The following DPP6 variants were observed in gnomAD, a reference collection of about 807,000 sequenced individuals.
DPP6 encodes dipeptidyl peptidase like 6, also known as A-type potassium channel modulatory protein DPP6.
A neutral mutation model predicts 122.6 loss-of-function variants in DPP6; 69 were observed. The observed-to-expected ratio is 0.56, with a 90% CI of 0.46 to 0.69. The LOEUF is 0.69. DPP6 is among the 30% of genes least tolerant of loss of function. DPP6 has a pLI of 0.00. For missense variants in DPP6, 928 were observed against 1,116.9 expected, an observed-to-expected ratio of 0.83 and a Z score of 2.41; for synonymous variants, 418 against 433.1, an observed-to-expected ratio of 0.97 and a Z score of 0.43.
chr7:154,633,420 G>A (rs973140578), intron 5 of DPP6, among the ~76,000 whole-genome samples: 1 of 152,020 alleles, frequency 6.6e-6, no homozygotes, highest in Non-Finnish European at 1.5e-5. Context: ...TATTTTTGTA[G>A]AGATGGAGTT....
At chr7:154,383,805 G>A (rs1336334930) in intron 1 of DPP6, among the ~76,000 whole-genome samples, 4 of 146,556 alleles carry the variant, frequency 2.7e-5, no homozygotes, top group Non-Finnish European at 4.5e-5. Context: ...CATGAGAATC[G>A]CTTGAGCCCA....
intron 7 of DPP6, among the ~76,000 whole-genome samples, chr7:154,694,039 G>C (rs186372888): frequency 6.6e-6 from 1 of 152,174 alleles, no homozygotes. Context: ...CGTCCTGGAG[G>C]CTGGAAGTCA....
chr7:154,449,378 C>T (rs1820156514), intron 2 of DPP6, among the ~76,000 whole-genome samples: 1 of 152,064 alleles, frequency 6.6e-6, no homozygotes, highest in South Asian at 2.1e-4. Context: ...AATGAAATAC[C>T]ACTTCACATC....
intron 18 of DPP6, among the ~76,000 whole-genome samples, chr7:154,870,358 A>C (rs1025623063): frequency 2.0e-5 from 3 of 152,104 alleles, no homozygotes; most frequent in African/African-American, 4.8e-5. Context: ...GATTCCCATT[A>C]CTTTGGGAAG....
intron 1 of DPP6, chr7:154,093,650 A>T (rs1163437776): frequency 6.6e-6 from 1 of 151,978 alleles, no homozygotes; most frequent in Non-Finnish European, 1.5e-5. Flanking sequence ...ACACACACAC[A>T]CACACATAAA....
chr7:154,451,948 C>T (rs1332503648), intron 2 of DPP6, among the ~76,000 whole-genome samples: 3 of 152,236 alleles, frequency 2.0e-5, no homozygotes, highest in Non-Finnish European at 4.4e-5. Flanking sequence ...GGCCTGACTG[C>T]ATCCACTCTC....
chr7:154,792,910 T>G (rs886611477), intron 10 of DPP6, among the ~76,000 whole-genome samples: 2 of 152,206 alleles, frequency 1.3e-5, no homozygotes, highest in African/African-American at 4.8e-5. Context: ...GGCCCTCACC[T>G]GCTTGCCGCT....
At chr7:153,909,069 G>A (rs1295215205) in intron 1 of DPP6, among the ~76,000 whole-genome samples, 1 of 152,128 alleles carries the variant, frequency 6.6e-6, no homozygotes, top group Non-Finnish European at 1.5e-5. Context: ...TACTTTAAAA[G>A]GGTTATACAT....
chr7:154,606,811 T>C (rs1181916992), intron 5 of DPP6, among the ~76,000 whole-genome samples: 2 of 121,506 alleles, frequency 1.6e-5, no homozygotes, highest in Admixed American at 1.8e-4. Flanking sequence ...TTTGTTATTT[T>C]CTTCTATAAA....
intron 5 of DPP6, among the ~76,000 whole-genome samples, chr7:154,631,716 GTTTT>G (rs1335444627): frequency 6.6e-6 from 1 of 151,946 alleles, no homozygotes; most frequent in Non-Finnish European, 1.5e-5. Context: ...ATGGCCAGAG[GTTTT>G]TTGTTTGTTT....
chr7:154,802,178 T>G (rs1798410836), intron 13 of DPP6, among the ~76,000 whole-genome samples: 1 of 152,126 alleles, frequency 6.6e-6, no homozygotes, highest in Non-Finnish European at 1.5e-5. Flanking sequence ...CAGTCTAAAG[T>G]TATTTGGGAT....
chr7:154,209,908 A>G (rs1236236430), intron 1 of DPP6, among the ~76,000 whole-genome samples: 1 of 152,200 alleles, frequency 6.6e-6, no homozygotes, highest in Non-Finnish European at 1.5e-5. Context: ...ACACTAACAG[A>G]TATGCATGCA....
chr7:154,215,905 TCAAC>T (rs1270423373), intron 1 of DPP6, among the ~76,000 whole-genome samples: 2 of 152,062 alleles, frequency 1.3e-5, no homozygotes, highest in African/African-American at 4.8e-5. Flanking sequence ...GCTGAATTCT[TCAAC>T]CAGCCAACCA....
intron 1 of DPP6, among the ~76,000 whole-genome samples, chr7:154,308,940 ATG>A (rs1254772967): frequency 6.6e-6 from 1 of 152,196 alleles, no homozygotes; most frequent in Non-Finnish European, 1.5e-5. Context: ...ATGTGTATGT[ATG>A]TGTGTGCATG....
At chr7:154,058,109 A>G (rs1801035413) in intron 1 of DPP6, 1 of 121,760 alleles carries the variant, frequency 8.2e-6, no homozygotes. Context: ...TGAGGCGGGG[A>G]CTCAGAGCCA....
At chr7:154,119,067 A>T (rs1019883218) in intron 1 of DPP6, among the ~76,000 whole-genome samples, 1 of 152,188 alleles carries the variant, frequency 6.6e-6, no homozygotes, top group African/African-American at 2.4e-5. Context: ...ACCAGATGAG[A>T]TGCAAACTCA....
chr7:154,272,296 C>T (rs1803848120), intron 1 of DPP6, among the ~76,000 whole-genome samples: 1 of 152,228 alleles, frequency 6.6e-6, no homozygotes, highest in Non-Finnish European at 1.5e-5. Context: ...ACATGCTTCA[C>T]TTAGTACATT....
the DPP6 span, among the ~76,000 whole-genome samples, chr7:153,789,550 C>T: frequency 1.3e-5 from 2 of 152,082 alleles, no homozygotes; most frequent in African/African-American, 4.8e-5. Flanking sequence ...AAGCAAGAAG[C>T]ACTTGCATAT....
At chr7:154,157,767 C>G (rs188231079) in intron 1 of DPP6, among the ~76,000 whole-genome samples, 2 of 151,900 alleles carry the variant, frequency 1.3e-5, no homozygotes, top group South Asian at 2.1e-4. Flanking sequence ...AACTCCGTCT[C>G]TACTAAAAAT....
Sources: allele counts gnomAD v4.1 joint callset (sites outside exome capture counted in the v4.1 genomes callset), GRCh38; gene constraint gnomAD v4.1.1; transcripts MANE v1.5; gene names NCBI Gene and HGNC (gene_info 2026-07-23, HGNC 2026-07-21).